DENND1A: variants seen among roughly 807,000 people sequenced by gnomAD.
DENND1A encodes the protein DENN domain containing 1A.
A neutral mutation model predicts 113.7 loss-of-function variants in DENND1A; 51 were observed. That is an observed-to-expected ratio of 0.45 (90% CI 0.36 to 0.57). DENND1A has a LOEUF of 0.57. Among genes scored for constraint, DENND1A ranks in the 20% least tolerant of loss-of-function variants. The pLI, the probability that DENND1A is intolerant of heterozygous loss-of-function variation, is 0.00. For synonymous variants in DENND1A, 565 were observed against 570.8 expected, an observed-to-expected ratio of 0.99 and a Z score of 0.14; for missense variants, 1,258 against 1,395.9, an observed-to-expected ratio of 0.90 and a Z score of 1.57.
Position 123,583,153 on chromosome 9 carries a change from C to A in DENND1A, c.867+16G>T. 6.3e-7 allele frequency: 1 copy of A among 1,587,558 alleles called. No homozygotes were observed. The highest frequency in any genetic ancestry group is 1.1e-5 in the South Asian group (1 of 88,200). Reference sequence around the variant, plus strand: ...GGAGCTCACAGAAGTGAGATCCTCGCAAGCTCATTACCTACCACGTCGTTT... The same window carrying A: ...GGAGCTCACAGAAGTGAGATCCTCGAAAGCTCATTACCTACCACGTCGTTT... On this transcript the variant is annotated intron_variant, in intron 12 of 23. Coordinates refer to ENST00000394215, the MANE Select transcript of DENND1A (RefSeq NM_001352964.2).
At position 123,415,572 on chromosome 9, in the gene DENND1A, G is replaced by A. The variant is rs191889777; in HGVS notation, c.1489-3743C>T. On this transcript the variant is annotated intron_variant, in intron 19 of 23. Transcript: ENST00000394215. ...CACCAGCGGATTAGACAGTAATCCC[G>A]TGGGAAGCAGTCTCAGATTTCGGAC... 6.6e-5 allele frequency among the ~76,000 whole-genome samples: 10 copies of A among 152,338 alleles called. 1 individual carries two copies. In the South Asian group the frequency reaches 8.3e-4, roughly 13 times the overall value.
intron 3 of DENND1A, among the ~76,000 whole-genome samples, chr9:123,779,871 A>ATTTTTTTTTTTT (rs1554752627): frequency 9.6e-6 from 1 of 104,036 alleles, no homozygotes; most frequent in Admixed American, 8.0e-5. Flanking sequence ...CTTGCATGAG[A>ATTTTTTTTTTTT]CTTTTTTTTG....
intron 21 of DENND1A, among the ~76,000 whole-genome samples, chr9:123,388,880 G>GA (rs2042700634): frequency 6.6e-6 from 1 of 152,198 alleles, no homozygotes; most frequent in Admixed American, 6.5e-5. Flanking sequence ...TGCTTGGTGT[G>GA]AGCAGACCCG....
At chr9:123,497,203 G>GCA (rs1291030031) in intron 13 of DENND1A, among the ~76,000 whole-genome samples, 2 of 152,236 alleles carry the variant, frequency 1.3e-5, no homozygotes, top group African/African-American at 4.8e-5. Flanking sequence ...TTACTCAAGT[G>GCA]TGCACATTTA....
chr9:123,813,346 T>A (rs1219320443), intron 2 of DENND1A, among the ~76,000 whole-genome samples: 1 of 152,208 alleles, frequency 6.6e-6, no homozygotes, highest in Non-Finnish European at 1.5e-5. Flanking sequence ...GAACTTCTGC[T>A]TTTTAATGTA....
intron 11 of DENND1A, among the ~76,000 whole-genome samples, chr9:123,604,455 G>C (rs76709133): frequency 6.6e-6 from 1 of 151,964 alleles, no homozygotes. Flanking sequence ...TTTTTATACA[G>C]AGCCCCTAGT....
intron 13 of DENND1A, among the ~76,000 whole-genome samples, chr9:123,458,221 G>C (rs181694544): frequency 6.6e-6 from 1 of 151,828 alleles, no homozygotes; most frequent in Non-Finnish European, 1.5e-5. Context: ...GGCTGGTCTC[G>C]AACTCCTGAA....
chr9:123,928,461 T>C lies in DENND1A; in HGVS notation c.17+1428A>G, dbSNP rs146158638. 275 of 733,134 alleles carry C rather than the reference T, an allele frequency of 3.8e-4. No individual in the cohort carries two copies. The African/African-American group carries it at 4.7e-3, about 13-fold the overall frequency. The allele number at this position is 733,134 out of a possible 1,614,324, so 45.4% of individuals were successfully genotyped here. A position where few individuals can be genotyped will look rare whatever the true frequency, so the allele number is the denominator to read the frequency against. On this transcript the variant is annotated intron_variant, in intron 1 of 23. Transcript: ENST00000394215. ...AACTTGAGTGCCTCTTTAATCCCAA[T>C]GTTTCACAAACGACATCTTTTTACC...
chr9:123,641,967 T>G (rs1447181774), intron 9 of DENND1A, among the ~76,000 whole-genome samples: 1 of 152,122 alleles, frequency 6.6e-6, no homozygotes, highest in African/African-American at 2.4e-5. Context: ...TCACTGACAA[T>G]CTGAATCCTG....
At chr9:123,423,560 G>T (rs931082956) in intron 19 of DENND1A, among the ~76,000 whole-genome samples, 1 of 152,176 alleles carries the variant, frequency 6.6e-6, no homozygotes, top group Non-Finnish European at 1.5e-5. Context: ...CCCTTCGGCG[G>T]TCATTTCTAA....
chr9:123,916,387 T>C (rs953154087), intron 1 of DENND1A, among the ~76,000 whole-genome samples: 1 of 151,770 alleles, frequency 6.6e-6, no homozygotes, highest in African/African-American at 2.4e-5. Context: ...TTTTTTTTTT[T>C]TTGAGACAGA....
At chr9:123,775,242 G>A (rs1192753090) in intron 3 of DENND1A, among the ~76,000 whole-genome samples, 1 of 152,164 alleles carries the variant, frequency 6.6e-6, no homozygotes, top group African/African-American at 2.4e-5. Context: ...AAATGATTTG[G>A]TTATGATCTC....
intron 10 of DENND1A, among the ~76,000 whole-genome samples, chr9:123,612,942 A>G (rs1173944597): frequency 6.6e-6 from 1 of 152,158 alleles, no homozygotes; most frequent in Non-Finnish European, 1.5e-5. Context: ...GGCTGGCACC[A>G]TTGGACCCAC....
intron 19 of DENND1A, among the ~76,000 whole-genome samples, chr9:123,426,296 C>T (rs1024797462): frequency 6.6e-6 from 1 of 152,196 alleles, no homozygotes; most frequent in Non-Finnish European, 1.5e-5. Flanking sequence ...CATTGTGCCT[C>T]ACAGACCAGT....
intron 19 of DENND1A, among the ~76,000 whole-genome samples, chr9:123,433,652 TTTC>T (rs1465306808): frequency 6.6e-6 from 1 of 150,758 alleles, no homozygotes; most frequent in Non-Finnish European, 1.5e-5. Context: ...TTAAAGCTTT[TTTC>T]TTTTTTCTTT....
chr9:123,397,486 T>A (rs1371415790), intron 21 of DENND1A, among the ~76,000 whole-genome samples: 2 of 152,198 alleles, frequency 1.3e-5, no homozygotes, highest in African/African-American at 4.8e-5. Flanking sequence ...GCATTTTTTA[T>A]ATTAATGAAA....
At chr9:123,486,327 C>A (rs940529107) in intron 13 of DENND1A, among the ~76,000 whole-genome samples, 15 of 152,262 alleles carry the variant, frequency 9.9e-5, no homozygotes, top group African/African-American at 3.6e-4. Flanking sequence ...GACTCGCCCC[C>A]GGAACACTGT....
intron 20 of DENND1A, 62 bp from the exon 21 acceptor site, chr9:123,403,552 A>C: frequency 6.8e-7 from 1 of 1,474,364 alleles, no homozygotes; most frequent in Non-Finnish European, 9.4e-7. Context: ...ATACAGGTAC[A>C]TTCTGAACAT....
chr9:123,474,793 C>T (rs1326018746), intron 13 of DENND1A, among the ~76,000 whole-genome samples: 3 of 152,156 alleles, frequency 2.0e-5, no homozygotes, highest in Non-Finnish European at 4.4e-5. Context: ...TGTATGTAAA[C>T]TGCCTAGCAT....
Sources: gnomAD v4.1 joint callset for allele counts (sites outside exome capture counted in the v4.1 genomes callset) on GRCh38, gnomAD v4.1.1 for gene constraint, MANE v1.5 for transcripts, NCBI Gene and HGNC (gene_info 2026-07-23, HGNC 2026-07-21) for gene names.